Variants in FAM135B observed in about 807,000 individuals in gnomAD.
The protein encoded by FAM135B is protein FAM135B.
A neutral mutation model predicts 127.7 loss-of-function variants in FAM135B; 43 were observed. The observed-to-expected ratio is 0.34, with a 90% CI of 0.26 to 0.43. FAM135B has a LOEUF of 0.43. Ranked by LOEUF, FAM135B falls within the 20% of genes least tolerant of loss-of-function variation. The pLI, the probability that FAM135B is intolerant of heterozygous loss-of-function variation, is 1.00. For missense variants in FAM135B, 1,558 were observed against 1,725.6 expected (o/e 0.90, Z 1.72); for synonymous variants, 670 against 665.1 (o/e 1.01, Z -0.11).
chr8:138,203,284 T>C (rs920203555), intron 7 of FAM135B, among the ~76,000 whole-genome samples: 1 of 152,072 alleles, frequency 6.6e-6, no homozygotes, highest in Non-Finnish European at 1.5e-5. Flanking sequence ...CAAAACCATC[T>C]TACATGGAGC....
intron 7 of FAM135B, among the ~76,000 whole-genome samples, chr8:138,225,380 G>A (rs1335584213): frequency 6.6e-6 from 1 of 151,666 alleles, no homozygotes; most frequent in East Asian, 1.9e-4. Flanking sequence ...CACTGGGCTT[G>A]TAGGTGCCTT....
chr8:138,338,665 C>A (rs1039558526), intron 2 of FAM135B, among the ~76,000 whole-genome samples: 2 of 151,520 alleles, frequency 1.3e-5, no homozygotes, highest in South Asian at 4.2e-4. Context: ...GTTGGTGGGA[C>A]TGTAAACTAG....
Position 138,130,263 on chromosome 8 carries a change from TA to T in FAM135B, c.*2329del, listed in dbSNP as rs1169335316. 6.6e-6 allele frequency: 1 copy of T among 151,488 alleles called. No homozygotes were observed. Among genetic ancestry groups the T allele is most frequent in the Non-Finnish European group, 1.5e-5 (1 of 67,928 alleles). The allele number at this position is 151,488 out of a possible 1,614,324, so 9.4% of individuals were successfully genotyped here. ...ATCTATATTTCAATAGAAAGAGACA[TA>T]AAAAAGCCTTTTCAAATGAGGCATG... On this transcript the variant is annotated 3_prime_UTR_variant, in exon 20 of 20. Coordinates refer to ENST00000395297, the MANE Select transcript of FAM135B (RefSeq NM_015912.4).
intron 1 of FAM135B, among the ~76,000 whole-genome samples, chr8:138,434,169 A>G (rs1331105693): frequency 6.6e-6 from 1 of 152,230 alleles, no homozygotes; most frequent in African/African-American, 2.4e-5. Flanking sequence ...TCATGTGTGC[A>G]TGAATCATAA....
At chr8:138,450,498 T>C (rs566037614) in intron 1 of FAM135B, 2 of 152,358 alleles carry the variant, frequency 1.3e-5, no homozygotes, top group Admixed American at 6.5e-5. Flanking sequence ...TTTCCACCCT[T>C]GCCAGCATTT....
intron 1 of FAM135B, among the ~76,000 whole-genome samples, chr8:138,480,545 ATAAG>A (rs1404239485): frequency 6.6e-6 from 1 of 152,230 alleles, no homozygotes; most frequent in Non-Finnish European, 1.5e-5. Flanking sequence ...TTTAATCTAA[ATAAG>A]TATCTCTACT....
At chr8:138,354,934 A>T (rs943305352) in intron 2 of FAM135B, among the ~76,000 whole-genome samples, 1 of 152,102 alleles carries the variant, frequency 6.6e-6, no homozygotes, top group African/African-American at 2.4e-5. Flanking sequence ...ATATGTATAC[A>T]TGTGCCATGT....
chr8:138,248,622 C>G (rs567451623), intron 6 of FAM135B, among the ~76,000 whole-genome samples: 234 of 151,982 alleles, frequency 1.5e-3, no homozygotes, highest in African/African-American at 5.4e-3. Flanking sequence ...GAATTTGAGA[C>G]CAGTATGAGC....
Position 138,242,906 on chromosome 8 carries a change from G to C in FAM135B, c.669+36C>G, listed in dbSNP as rs1220810694. On this transcript the variant is annotated intron_variant, in intron 7 of 19. Transcript: ENST00000395297. This position sits in a 1 kb window ranked among gnomAD's most constrained non-coding sequence, Gnocchi z 9.6. ...ACATACACTCTGCAAAGTAAAGTTT[G>C]AAAGTTTTGAAGCAACTGCCCCACA... 2.1e-5 allele frequency: 33 copies of C among 1,591,036 alleles called. No homozygotes were observed. The highest frequency in any genetic ancestry group is 2.8e-5 in the Non-Finnish European group (33 of 1,171,286).
intron 2 of FAM135B, among the ~76,000 whole-genome samples, chr8:138,315,278 T>C (rs1826996580): frequency 6.6e-6 from 1 of 152,166 alleles, no homozygotes; most frequent in African/African-American, 2.4e-5. Context: ...TGTCACCTCA[T>C]ACATTTTAGG....
upstream of FAM135B, among the ~76,000 whole-genome samples, chr8:138,497,391 C>T (rs1815439321): frequency 6.6e-6 from 1 of 151,338 alleles, no homozygotes; most frequent in South Asian, 2.1e-4. Context: ...AGGGCGCAGG[C>T]TGCGGCCCCG....
intron 1 of FAM135B, among the ~76,000 whole-genome samples, chr8:138,455,825 T>C (rs1410998797): frequency 6.6e-6 from 1 of 152,172 alleles, no homozygotes; most frequent in Admixed American, 6.5e-5. Flanking sequence ...TAATTCATGC[T>C]GTAGACAGCT....
chr8:138,474,102 C>A (rs935473601), intron 1 of FAM135B, among the ~76,000 whole-genome samples: 24 of 152,162 alleles, frequency 1.6e-4, no homozygotes, highest in Non-Finnish European at 3.2e-4. Flanking sequence ...ATTGTAGAGT[C>A]AGCTAGTCAA....
Position 138,152,727 on chromosome 8 carries a change from T to A in FAM135B, c.1748A>T (p.Asp583Val), listed in dbSNP as rs759658042. 1.2e-6 allele frequency: 2 copies of A among 1,614,184 alleles called. No homozygotes were observed. The highest frequency in any genetic ancestry group is 1.1e-5 in the South Asian group (1 of 91,082). Residue 583 changes from aspartate (D) to valine (V), a missense_variant, in exon 13 of 20, where the codon GAT becomes GTT. Asp to Val is a radical substitution (Grantham distance 152). Around this residue, in one of 5 missense-constraint regions of FAM135B, gnomAD observed 923 missense variants for 865.3 expected, o/e 1.07. Coordinates refer to ENST00000395297, the MANE Select transcript of FAM135B (RefSeq NM_015912.4). ...NAQHESRSSR[D>V]KYGLDRTGLS... ...CCCAGTCCTGTCTAATCCATACTTATCTCTAGAGCTCCTACTCTCATGCTG... is the reference window on the plus strand; with the variant it reads ...CCCAGTCCTGTCTAATCCATACTTAACTCTAGAGCTCCTACTCTCATGCTG...
At chr8:138,459,757 T>C (rs535537511) in intron 1 of FAM135B, among the ~76,000 whole-genome samples, 42 of 152,200 alleles carry the variant, frequency 2.8e-4, no homozygotes, top group African/African-American at 9.9e-4. Flanking sequence ...AGAGCTTGGG[T>C]TTTCCTGTTT....
chr8:138,438,175 C>G (rs1237131818), intron 1 of FAM135B: 1 of 152,032 alleles, frequency 6.6e-6, no homozygotes, highest in Non-Finnish European at 1.5e-5. Flanking sequence ...AATTTAAATG[C>G]AAAGTTTTAT....
At chr8:138,429,764 G>T (rs773235917) in intron 1 of FAM135B, among the ~76,000 whole-genome samples, 28 of 152,100 alleles carry the variant, frequency 1.8e-4, no homozygotes, top group Non-Finnish European at 3.8e-4. Flanking sequence ...GAGATCAAAG[G>T]CACTATCCTG....
chr8:138,217,306 G>A (rs1818621387), intron 7 of FAM135B, among the ~76,000 whole-genome samples: 1 of 152,134 alleles, frequency 6.6e-6, no homozygotes, highest in African/African-American at 2.4e-5. Context: ...AACTGAAAAA[G>A]TTCTTAGCTT....
intron 12 of FAM135B, among the ~76,000 whole-genome samples, chr8:138,159,804 ACT>A (rs1586642444): frequency 6.6e-6 from 1 of 152,010 alleles, no homozygotes; most frequent in East Asian, 1.9e-4. Context: ...CCTAAGAGAT[ACT>A]CTCTGGATTC....
Sources: allele counts gnomAD v4.1 joint callset (sites outside exome capture counted in the v4.1 genomes callset), GRCh38; gene constraint gnomAD v4.1.1; regional missense constraint gnomAD v4.1.1; non-coding constraint Gnocchi (gnomAD v3.1); transcripts MANE v1.5; gene names NCBI Gene and HGNC (gene_info 2026-07-23, HGNC 2026-07-21).